The following ADGRL3 variants were observed in gnomAD, a reference collection of about 807,000 sequenced individuals.
ADGRL3 encodes the protein calcium-independent alpha-latrotoxin receptor 3.
A neutral mutation model predicts 153.5 loss-of-function variants in ADGRL3; 62 were observed. The observed-to-expected ratio is 0.40, with a 90% CI of 0.33 to 0.50. ADGRL3 has a LOEUF of 0.50. ADGRL3 is among the 20% of genes least tolerant of loss of function. ADGRL3 has a pLI of 0.47. For missense variants in ADGRL3, 1,641 were observed against 1,859.4 expected (o/e 0.88, Z 2.16); for synonymous variants, 710 against 672.5 (o/e 1.06, Z -0.86).
At chr4:61,470,632 A>T (rs1339105359) in intron 2 of ADGRL3, among the ~76,000 whole-genome samples, 2 of 151,956 alleles carry the variant, frequency 1.3e-5, no homozygotes, top group Non-Finnish European at 2.9e-5. Context: ...AAAAGGTAGT[A>T]TTCCTCTTTG....
In ADGRL3 at chr4:61,303,974, A is replaced by T. The variant is rs148068761; in HGVS notation, c.-239-79150A>T. Among the ~76,000 whole-genome samples, 706 of 152,320 alleles carry T rather than the reference A, an allele frequency of 4.6e-3. 4 individuals are homozygous for T. The highest frequency in any genetic ancestry group is 0.016 in the African/African-American group (684 of 41,576). ...CTATTCACAAGGCATCCTGTTCAGT[A>T]TTAGGAGATAATAGATACCTTGTTT... On this transcript the variant is annotated intron_variant, in intron 1 of 26. Coordinates refer to ENST00000683033, the MANE Select transcript of ADGRL3 (RefSeq NM_001387552.1).
chr4:61,610,527 T>C (rs888410193), intron 5 of ADGRL3, among the ~76,000 whole-genome samples: 27 of 152,316 alleles, frequency 1.8e-4, no homozygotes, highest in African/African-American at 6.3e-4. Context: ...ATGTAAATGA[T>C]GTGTCAGATT....
At chr4:61,248,443 G>GA (rs1348782311) in intron 1 of ADGRL3, among the ~76,000 whole-genome samples, 1 of 152,026 alleles carries the variant, frequency 6.6e-6, no homozygotes, top group Non-Finnish European at 1.5e-5. Context: ...GTGTTTTAAA[G>GA]AACAAATTTC....
chr4:61,814,204 G>A (rs1422955045), intron 9 of ADGRL3, among the ~76,000 whole-genome samples: 1 of 151,132 alleles, frequency 6.6e-6, no homozygotes, highest in Non-Finnish European at 1.5e-5. Context: ...TTTTTACTGG[G>A]ACCTTCTTTT....
chr4:61,372,395 C>T (rs1253175334), intron 1 of ADGRL3, among the ~76,000 whole-genome samples: 1 of 151,808 alleles, frequency 6.6e-6, no homozygotes, highest in Non-Finnish European at 1.5e-5. Flanking sequence ...TGGTGATGTA[C>T]AGATGGGTTT....
At chr4:61,650,925 T>TTTAGGAAGGA (rs1226706357) in intron 5 of ADGRL3, among the ~76,000 whole-genome samples, 2 of 152,058 alleles carry the variant, frequency 1.3e-5, no homozygotes, top group Non-Finnish European at 2.9e-5. Flanking sequence ...GATTAATAAT[T>TTTAGGAAGGA]TTAGGAAGGA....
intron 13 of ADGRL3, among the ~76,000 whole-genome samples, chr4:61,929,668 C>G (rs1270974314): frequency 6.6e-6 from 1 of 152,136 alleles, no homozygotes; most frequent in Non-Finnish European, 1.5e-5. Flanking sequence ...ATAAAGCTTG[C>G]CGTCTGTCCA....
At chr4:61,678,856 A>C (rs2095271250) in intron 6 of ADGRL3, among the ~76,000 whole-genome samples, 1 of 152,078 alleles carries the variant, frequency 6.6e-6, no homozygotes, top group Non-Finnish European at 1.5e-5. Flanking sequence ...GCAGAATTGG[A>C]ATTCATTTAA....
At chr4:61,570,868 A>G (rs1026663884) in intron 4 of ADGRL3, among the ~76,000 whole-genome samples, 2 of 152,256 alleles carry the variant, frequency 1.3e-5, no homozygotes, top group African/African-American at 2.4e-5. Context: ...ACAAAGTTGT[A>G]ATTCTCATCA....
At chr4:61,337,277 G>A (rs899023130) in intron 1 of ADGRL3, among the ~76,000 whole-genome samples, 3 of 152,092 alleles carry the variant, frequency 2.0e-5, no homozygotes, top group African/African-American at 7.2e-5. Context: ...TGTCTGTGGG[G>A]CCTTGAGGTC....
intron 8 of ADGRL3, among the ~76,000 whole-genome samples, chr4:61,785,111 G>A (rs558178221): frequency 2.0e-5 from 3 of 151,924 alleles, no homozygotes; most frequent in Non-Finnish European, 4.4e-5. Flanking sequence ...GCTAGATAGG[G>A]GATAAATAAA....
At chr4:61,296,509 C>A (rs2094418947) in intron 1 of ADGRL3, among the ~76,000 whole-genome samples, 1 of 152,066 alleles carries the variant, frequency 6.6e-6, no homozygotes, top group South Asian at 2.1e-4. Context: ...AGTTGCCTTG[C>A]CTTATATTTT....
chr4:62,020,785 G>T (rs1049749863), intron 21 of ADGRL3, among the ~76,000 whole-genome samples: 1 of 151,874 alleles, frequency 6.6e-6, no homozygotes, highest in African/African-American at 2.4e-5. Flanking sequence ...GAACATTGCC[G>T]TCATATAGTG....
chr4:61,320,539 G>T (rs992584093), intron 1 of ADGRL3, among the ~76,000 whole-genome samples: 1 of 152,184 alleles, frequency 6.6e-6, no homozygotes, highest in Admixed American at 6.5e-5. Context: ...GTAAACTCAA[G>T]CCTTTCCATG....
rs183055776 is a variant in ADGRL3 at position 61,653,834 on chromosome 4, C to T, written c.474-22992C>T. 1.4e-3 allele frequency among the ~76,000 whole-genome samples: 216 copies of T among 152,186 alleles called. 2 individuals are homozygous for T. The highest frequency in any genetic ancestry group is 4.5e-3 in the African/African-American group (186 of 41,530). On this transcript the variant is annotated intron_variant, in intron 5 of 26. Transcript: ENST00000683033. ...ACAGTGACGAGGGACATGAAGTGGG[C>T]GCACATGGGTCACATACCTGCGCAG...
At chr4:61,947,185 TAA>T in intron 16 of ADGRL3, 63 bp downstream of exon 16, 1 of 1,243,066 alleles carries the variant, frequency 8.0e-7, no homozygotes, top group South Asian at 1.3e-5. Flanking sequence ...CACTGAACAT[TAA>T]GTGTATTAAT....
chr4:61,938,862 CAAAAAAAAAAA>C (rs71213019), intron 15 of ADGRL3, among the ~76,000 whole-genome samples: 2 of 71,506 alleles, frequency 2.8e-5, no homozygotes, highest in African/African-American at 5.2e-5. Flanking sequence ...CCCTCCTCCT[CAAAAAAAAAAA>C]AAAAAAAAAA....
intron 8 of ADGRL3, among the ~76,000 whole-genome samples, chr4:61,791,145 T>A (rs999962836): frequency 5.3e-5 from 8 of 152,152 alleles, no homozygotes; most frequent in Non-Finnish European, 8.8e-5. Flanking sequence ...TCTTAACTCA[T>A]TTCAGCATTA....
At chr4:61,782,808 T>C (rs114358223) in intron 8 of ADGRL3, among the ~76,000 whole-genome samples, 2,584 of 152,284 alleles carry the variant, frequency 0.017, 73 homozygotes, top group African/African-American at 0.059. Context: ...ACTGGAATTA[T>C]TTGAGCTTTC....
Sources: gnomAD v4.1 joint callset for allele counts (sites outside exome capture counted in the v4.1 genomes callset) on GRCh38, gnomAD v4.1.1 for gene constraint, MANE v1.5 for transcripts, NCBI Gene and HGNC (gene_info 2026-07-23, HGNC 2026-07-21) for gene names.